The following DOCK2 variants were observed in gnomAD, a reference collection of about 807,000 sequenced individuals.
DOCK2 encodes the protein dedicator of cytokinesis 2.
Under a neutral mutation model 248.9 loss-of-function variants are expected in DOCK2, and 87 were observed. That is an observed-to-expected ratio of 0.35 (90% CI 0.29 to 0.42). The LOEUF is 0.42. Among genes scored for constraint, DOCK2 ranks in the 10% least tolerant of loss-of-function variants. DOCK2 has a pLI of 1.00. For missense variants in DOCK2, 1,747 were observed against 2,300.2 expected (o/e 0.76, Z 4.92); for synonymous variants, 805 against 821.6 (o/e 0.98, Z 0.35).
chr5:169,776,121 ATATG>A (rs1203266555), intron 25 of DOCK2, among the ~76,000 whole-genome samples: 1 of 146,356 alleles, frequency 6.8e-6, no homozygotes, highest in African/African-American at 2.5e-5. Flanking sequence ...TGTATCATAT[ATATG>A]ATATGATATG....
intron 30 of DOCK2, among the ~76,000 whole-genome samples, chr5:170,007,085 G>A (rs759921376): frequency 7.9e-5 from 12 of 152,190 alleles, no homozygotes; most frequent in Admixed American, 1.3e-4. Flanking sequence ...ACCGCAAACC[G>A]ATTTGAAAGT....
chr5:170,008,688 G>A lies in DOCK2; in HGVS notation c.3174G>A (p.Lys1058=), dbSNP rs1249434999. 1.9e-6 allele frequency: 3 copies of A among 1,614,070 alleles called. No homozygotes were observed. The highest frequency in any genetic ancestry group is 4.5e-5 in the East Asian group (2 of 44,876). The change falls in exon 32 of 52, where the codon AAG becomes AAA. Residue 1058 remains lysine (K), a splice_region_variant and synonymous_variant. Transcript: ENST00000520908. ...AAGCAGAGGTTTTTGTTCCTCCTAG[G>A]TATGGGGACATGAGACGGCTAATTG... ...SHAKYNKILN[K]YGDMRRLIGF...
intron 27 of DOCK2, among the ~76,000 whole-genome samples, chr5:169,863,354 A>G (rs1034632195): frequency 2.0e-5 from 3 of 152,232 alleles, no homozygotes; most frequent in South Asian, 4.1e-4. Context: ...GTTGTGTTTT[A>G]TCTTAGCCTT....
chr5:169,725,602 C>T (rs1206492211), intron 22 of DOCK2, among the ~76,000 whole-genome samples: 1 of 152,080 alleles, frequency 6.6e-6, no homozygotes, highest in Non-Finnish European at 1.5e-5. Flanking sequence ...TGGTTTGCTG[C>T]ACCCATCAGC....
In DOCK2 at chr5:170,008,836, G is replaced by A; in HGVS notation, c.3232+90G>A. The A allele has an allele frequency of 2.1e-6, 3 of 1,442,918 alleles. No individual in the cohort carries two copies. The South Asian group carries it at 3.4e-5, about 17-fold the overall frequency. 89.4% of individuals were successfully genotyped at this position (1,442,918 alleles called of 1,614,324 possible). A position where few individuals can be genotyped will look rare whatever the true frequency, so the allele number is the denominator to read the frequency against. On this transcript the variant is annotated intron_variant, in intron 32 of 51. Transcript: ENST00000520908. ...CTGTTGGAGGGCCACAGGGGTTTTA[G>A]CAGTGGGAGCATGAAATAACAGTTC...
intron 26 of DOCK2, among the ~76,000 whole-genome samples, chr5:169,829,360 A>G (rs1391304609): frequency 6.6e-6 from 1 of 152,214 alleles, no homozygotes; most frequent in African/African-American, 2.4e-5. Flanking sequence ...TTTAGAGTTT[A>G]TCTTGTCCTC....
At chr5:169,973,748 A>C (rs2161368) in intron 27 of DOCK2, among the ~76,000 whole-genome samples, 38,460 of 152,128 alleles carry the variant, frequency 0.25, 5,245 homozygotes, top group Non-Finnish European at 0.31. Context: ...GGGTGTCCTC[A>C]GCCATAGAGA....
rs537715894 is a variant in DOCK2 at position 170,062,963 on chromosome 5, C to T, written c.4468-4547C>T. ...CAGGCTGTCACTTCTCAAACCTTGC[C>T]TCCTGGCTCACCCTAGCAATAACTA... On this transcript the variant is annotated intron_variant, in intron 44 of 51. Coordinates refer to ENST00000520908, the MANE Select transcript of DOCK2 (RefSeq NM_004946.3). Among the ~76,000 whole-genome samples the T allele has an allele frequency of 4.6e-5, 7 of 152,318 alleles. No individual in the cohort carries two copies. The South Asian group carries it at 1.5e-3, about 32-fold the overall frequency.
At chr5:169,915,820 T>A (rs1370078520) in intron 27 of DOCK2, among the ~76,000 whole-genome samples, 1 of 152,228 alleles carries the variant, frequency 6.6e-6, no homozygotes, top group Non-Finnish European at 1.5e-5. Flanking sequence ...AGCTGGTACA[T>A]AAATCTAAGA....
Position 169,716,275 on chromosome 5 carries a change from A to C in DOCK2, c.2004A>C (p.Glu668Asp). 1 of 1,613,744 alleles carries C rather than the reference A, an allele frequency of 6.2e-7. No homozygotes were observed. The highest frequency in any genetic ancestry group is 8.5e-7 in the Non-Finnish European group (1 of 1,179,700). ...NIMMEHSQSD[E>D]YDILVFDALI... ...TGATGGAGCATTCTCAAAGTGATGAATATGACATCCTCGTCTTTGATGCCT... is the reference window on the plus strand; with the variant it reads ...TGATGGAGCATTCTCAAAGTGATGACTATGACATCCTCGTCTTTGATGCCT... The change falls in exon 20 of 52, where the codon GAA (glutamate) becomes GAC (aspartate). Residue 668 changes from glutamate to aspartate, a missense_variant. This residue lies in a region of DOCK2 where 858 missense variants were observed against 1,183.5 expected (regional missense o/e 0.72). Coordinates refer to ENST00000520908, the MANE Select transcript of DOCK2 (RefSeq NM_004946.3).
chr5:170,056,092 C>G (rs573933669), intron 42 of DOCK2, among the ~76,000 whole-genome samples: 6 of 152,272 alleles, frequency 3.9e-5, no homozygotes, highest in East Asian at 1.9e-4. Flanking sequence ...GATGAAGGAC[C>G]CTTCAGGGAG....
At chr5:169,773,898 T>TGCTTCTCATTCCCTC (rs1170275509) in intron 25 of DOCK2, among the ~76,000 whole-genome samples, 1 of 152,208 alleles carries the variant, frequency 6.6e-6, no homozygotes, top group Non-Finnish European at 1.5e-5. Flanking sequence ...CCCGTTCGCT[T>TGCTTCTCATTCCCTC]GCTTCTCATT....
chr5:169,855,167 A>T (rs777103337), intron 27 of DOCK2, among the ~76,000 whole-genome samples: 1 of 152,294 alleles, frequency 6.6e-6, no homozygotes, highest in South Asian at 2.1e-4. Context: ...CCTTGTGGTA[A>T]TTTTTTTGAA....
At chr5:169,966,684 G>T (rs981723087) in intron 27 of DOCK2, among the ~76,000 whole-genome samples, 1 of 152,158 alleles carries the variant, frequency 6.6e-6, no homozygotes, top group Non-Finnish European at 1.5e-5. Flanking sequence ...ACAGCAAGTG[G>T]CAGGACAGAG....
intron 25 of DOCK2, among the ~76,000 whole-genome samples, chr5:169,802,344 T>C (rs2113128462): frequency 6.6e-6 from 1 of 152,248 alleles, no homozygotes; most frequent in South Asian, 2.1e-4. Context: ...GTATTTCTAG[T>C]AGAGACAGGT....
chr5:170,022,394 A>G (rs1755760428), intron 33 of DOCK2, among the ~76,000 whole-genome samples: 1 of 152,156 alleles, frequency 6.6e-6, no homozygotes, highest in Non-Finnish European at 1.5e-5. Context: ...GGTTTCTTTT[A>G]TAAGCTCTGT....
At chr5:169,977,100 T>TA (rs1476291870) in intron 27 of DOCK2, among the ~76,000 whole-genome samples, 1 of 152,226 alleles carries the variant, frequency 6.6e-6, no homozygotes, top group African/African-American at 2.4e-5. Context: ...AGACAGTTAT[T>TA]TTTCAGGCTT....
intron 27 of DOCK2, among the ~76,000 whole-genome samples, chr5:169,966,864 A>G (rs1777318711): frequency 6.6e-6 from 1 of 152,238 alleles, no homozygotes; most frequent in African/African-American, 2.4e-5. Context: ...ACTTTGGTCT[A>G]ATGTTTTTGA....
chr5:169,731,583 C>T (rs902215521), intron 22 of DOCK2, among the ~76,000 whole-genome samples: 34 of 152,040 alleles, frequency 2.2e-4, no homozygotes, highest in African/African-American at 7.7e-4. Flanking sequence ...TAATACAGAC[C>T]CTTATTCCTC....
Sources: allele counts gnomAD v4.1 joint callset (sites outside exome capture counted in the v4.1 genomes callset), GRCh38; gene constraint gnomAD v4.1.1; regional missense constraint gnomAD v4.1.1; transcripts MANE v1.5; gene names NCBI Gene and HGNC (gene_info 2026-07-23, HGNC 2026-07-21).